NPC1: variants seen among roughly 807,000 people sequenced by gnomAD.
NPC1 encodes the protein Niemann-Pick C1 protein.
A neutral mutation model predicts 140.4 loss-of-function variants in NPC1; 85 were observed. That is an observed-to-expected ratio of 0.61 (90% confidence interval 0.51 to 0.72). NPC1 has a LOEUF of 0.72. Among genes scored for constraint, NPC1 ranks in the 30% least tolerant of loss-of-function variants. The pLI, the probability that NPC1 is intolerant of heterozygous loss-of-function variation, is 0.00. For synonymous variants in NPC1, 656 were observed against 624.8 expected (o/e 1.05, Z -0.74); for missense variants, 1,504 against 1,623.8 (o/e 0.93, Z 1.27).
chr18:23,572,274 C>A, intron 2 of NPC1, 94 bp from the exon 3 acceptor site: 1 of 816,296 alleles, frequency 1.2e-6, no homozygotes, highest in South Asian at 1.4e-5. Context: ...TTCATGTAAT[C>A]CTTTTGAAGT....
At position 23,586,423 on chromosome 18, in the gene NPC1, T is replaced by G. The variant is rs1567991969; in HGVS notation, c.-80A>C. On this transcript the variant is annotated 5_prime_UTR_variant, in exon 1 of 25. Transcript: ENST00000269228. The stretch of plus-strand genomic sequence containing the variant: ...CGGAGGCGGCTCTACTTCCCCGGGC[T>G]GTTTCAGCACCCCGCGCAGGAGGAG... 2 of 1,524,276 alleles carry G rather than the reference T, an allele frequency of 1.3e-6. No homozygotes were observed. The highest frequency in any genetic ancestry group is 5.0e-5 in the East Asian group (2 of 40,010). 94.4% of individuals were successfully genotyped at this position (1,524,276 alleles called of 1,614,324 possible). A position where few individuals can be genotyped will look rare whatever the true frequency, so the allele number is the denominator to read the frequency against.
intron 1 of NPC1, among the ~76,000 whole-genome samples, chr18:23,578,888 A>AG (rs2059324421): frequency 6.6e-6 from 1 of 152,206 alleles, no homozygotes; most frequent in African/African-American, 2.4e-5. Flanking sequence ...ACTCCCAGGG[A>AG]GGCTCCCTCG....
At chr18:23,551,417 T>A in intron 10 of NPC1, 1 of 594,394 alleles carries the variant, frequency 1.7e-6, no homozygotes, top group South Asian at 1.9e-5. Flanking sequence ...AAGGCATGTG[T>A]GACCTAAAAA....
intron 1 of NPC1, among the ~76,000 whole-genome samples, chr18:23,576,278 G>A (rs748459838): frequency 9.9e-5 from 15 of 151,854 alleles, no homozygotes; most frequent in Non-Finnish European, 1.9e-4. Flanking sequence ...AAAATTAGCC[G>A]AGCCTAGTGG....
At chr18:23,570,840 C>A (rs2145537399) in intron 3 of NPC1, among the ~76,000 whole-genome samples, 1 of 152,304 alleles carries the variant, frequency 6.6e-6, no homozygotes, top group Middle Eastern at 3.4e-3. Context: ...TTGACAAAAC[C>A]AGCCAGCTAC....
rs139844464 is a variant in NPC1 at position 23,538,923 on chromosome 18, C to T, written c.2912-252G>A. On this transcript the variant is annotated intron_variant, in intron 19 of 24. Coordinates refer to ENST00000269228, the MANE Select transcript of NPC1 (RefSeq NM_000271.5). Reference sequence around the variant, plus strand: ...TTTCTGCCCTGAAGTAGATCTCCTCCTTCAAGTATGGCCTTGACTGGTCAG... The same window carrying T: ...TTTCTGCCCTGAAGTAGATCTCCTCTTTCAAGTATGGCCTTGACTGGTCAG... 634 of 519,212 alleles carry T rather than the reference C, an allele frequency of 1.2e-3. 17 individuals carry two copies. The East Asian group carries it at 0.022, about 18-fold the overall frequency. 32.2% of individuals were successfully genotyped at this position (519,212 alleles called of 1,614,324 possible). A position where few individuals can be genotyped will look rare whatever the true frequency, so the allele number is the denominator to read the frequency against.
chr18:23,530,938 T>TTTAAAGGGTCTGGGGC (rs2058480361), downstream of NPC1, among the ~76,000 whole-genome samples: 1 of 152,182 alleles, frequency 6.6e-6, no homozygotes. Flanking sequence ...GGCTAAGGGT[T>TTTAAAGGGTCTGGGGC]TTAAAGGGTC....
At chr18:23,550,479 C>CTTTTTTTTTTTTTTTCTT (rs2058854407) in intron 10 of NPC1, among the ~76,000 whole-genome samples, 1 of 74,922 alleles carries the variant, frequency 1.3e-5, no homozygotes, top group African/African-American at 6.5e-5. Context: ...TCTTACATTT[C>CTTTTTTTTTTTTTTTCTT]TTTTTTTTTT....
At chr18:23,553,491 TAACA>T (rs975842386) in intron 9 of NPC1, among the ~76,000 whole-genome samples, 4 of 152,206 alleles carry the variant, frequency 2.6e-5, no homozygotes, top group Admixed American at 6.5e-5. Context: ...CTTACTCCAG[TAACA>T]AACAAACAGA....
At chr18:23,516,870 T>C (rs760550670) in intron 3 of NPC1, among the ~76,000 whole-genome samples, 1 of 151,698 alleles carries the variant, frequency 6.6e-6, no homozygotes, top group Admixed American at 6.6e-5. Context: ...GGATTACAAG[T>C]GTGCGTCACC....
intron 6 of NPC1, among the ~76,000 whole-genome samples, chr18:23,559,944 G>A (rs1036191711): frequency 3.3e-5 from 5 of 151,654 alleles, no homozygotes; most frequent in African/African-American, 1.2e-4. Context: ...GGCGACAAGA[G>A]TGAGACTCAG....
At chr18:23,538,743 C>T in intron 19 of NPC1, 72 bp from the exon 20 acceptor site, 3 of 1,504,112 alleles carry the variant, frequency 2.0e-6, no homozygotes, top group Non-Finnish European at 2.8e-6. Context: ...TTTTAAAATA[C>T]TGACAGTGAG....
intron 5 of NPC1, 49 bp downstream of exon 5, chr18:23,561,311 C>T: frequency 6.2e-7 from 1 of 1,605,512 alleles, no homozygotes; most frequent in Non-Finnish European, 8.5e-7. Flanking sequence ...AGTTCCTTGG[C>T]TTTAAAACAA....
chr18:23,579,370 A>T (rs1350412488), intron 1 of NPC1, among the ~76,000 whole-genome samples: 1 of 152,228 alleles, frequency 6.6e-6, no homozygotes, highest in African/African-American at 2.4e-5. Flanking sequence ...CAAAACTCAC[A>T]ATGAGCTGAG....
At position 23,552,604 on chromosome 18, in the gene NPC1, G is replaced by C. The variant is rs149568886; in HGVS notation, c.1554-877C>G. 3.3e-3 allele frequency among the ~76,000 whole-genome samples: 506 copies of C among 152,338 alleles called. 4 individuals carry two copies. Among genetic ancestry groups the C allele is most frequent in the African/African-American group, 0.012 (485 of 41,570 alleles). ...CAGTAAGTGGAGATGTTAGCGCAAT[G>C]GCGCAGGCAAGAGGCAACTGGCAGT... On this transcript the variant is annotated intron_variant, in intron 9 of 24. Coordinates refer to ENST00000269228, the MANE Select transcript of NPC1 (RefSeq NM_000271.5).
intron 1 of NPC1, among the ~76,000 whole-genome samples, chr18:23,579,551 G>A (rs746692273): frequency 4.6e-5 from 7 of 152,082 alleles, no homozygotes; most frequent in Non-Finnish European, 1.0e-4. Flanking sequence ...GACTGGATAG[G>A]GAAGCTTCTT....
downstream of NPC1, among the ~76,000 whole-genome samples, chr18:23,531,187 T>TA (rs1252995728): frequency 6.6e-6 from 1 of 152,048 alleles, no homozygotes; most frequent in Non-Finnish European, 1.5e-5. Flanking sequence ...GATGGGGTTT[T>TA]ACTATATTGT....
At chr18:23,542,008 C>T (rs1405514248) in intron 14 of NPC1, among the ~76,000 whole-genome samples, 1 of 152,064 alleles carries the variant, frequency 6.6e-6, no homozygotes, top group Non-Finnish European at 1.5e-5. Context: ...TGGCATTTTA[C>T]ACAAAAATCT....
chr18:23,573,918 A>G (rs2059238380), intron 1 of NPC1, among the ~76,000 whole-genome samples: 1 of 152,256 alleles, frequency 6.6e-6, no homozygotes, highest in Non-Finnish European at 1.5e-5. Context: ...ATTTTTGCAC[A>G]TCTGCACCAG....
Sources: gnomAD v4.1 joint callset for allele counts (sites outside exome capture counted in the v4.1 genomes callset) on GRCh38, gnomAD v4.1.1 for gene constraint, MANE v1.5 for transcripts, NCBI Gene and HGNC (gene_info 2026-07-23, HGNC 2026-07-21) for gene names.